MOB3C: variants seen among roughly 807,000 people sequenced by gnomAD.
MOB3C encodes MOB1, Mps One Binder kinase activator-like 2C.
Under a neutral mutation model 19.8 loss-of-function variants are expected in MOB3C, and 17 were observed. The observed-to-expected ratio is 0.86, with a 90% CI of 0.59 to 1.29. The LOEUF (loss-of-function observed/expected upper bound fraction) is 1.29. Ranked by LOEUF, MOB3C falls within the 50% of genes most tolerant of loss-of-function variation. MOB3C has a pLI of 0.00. For synonymous variants in MOB3C, 101 were observed against 119.2 expected, an observed-to-expected ratio of 0.85 and a Z score of 0.99; for missense variants, 291 against 301.9, an observed-to-expected ratio of 0.96 and a Z score of 0.27.
chr1:46,614,955 C>T (rs1557917212), intron 1 of MOB3C: 1 of 1,581,088 alleles, frequency 6.3e-7, no homozygotes, highest in South Asian at 1.1e-5. Context: ...AACTTGTTCT[C>T]TTGAAAAAAA....
At position 46,609,682 on chromosome 1, in the gene MOB3C, C is replaced by A. The variant is rs1329675639; in HGVS notation, c.624G>T (p.Arg208Ser). 6.2e-7 allele frequency: 1 copy of A among 1,614,022 alleles called. No homozygotes were observed. The highest frequency in any genetic ancestry group is 8.5e-7 in the Non-Finnish European group (1 of 1,180,022). ...AGTGGCAGATCCGCTCTGTCATCTC[C>A]CTCTGTAGAGACACAAGGTAGGGAG... ...LVDQRELEPL[R>S]EMTERICH The change falls in exon 4 of 4, where the codon AGG (arginine) becomes AGT (serine). Residue 208 changes from arginine (R) to serine (S), a missense_variant and splice_region_variant. Coordinates refer to ENST00000319928, the MANE Select transcript of MOB3C (RefSeq NM_201403.3).
chr1:46,607,988 C>T lies in MOB3C; in HGVS notation c.*1667G>A, dbSNP rs955299469. 7.9e-5 allele frequency: 12 copies of T among 152,204 alleles called. No individual in the cohort carries two copies. The highest frequency in any genetic ancestry group is 2.9e-4 in the African/African-American group (12 of 41,448). 9.4% of individuals were successfully genotyped at this position (152,204 alleles called of 1,614,324 possible). A position where few individuals can be genotyped will look rare whatever the true frequency, so the allele number is the denominator to read the frequency against. ...GGCCCAAGAGCTCCATCTGTTTCCC[C>T]AAAGTACAGGCAGCTTCTAGGCCAT... On this transcript the variant is annotated 3_prime_UTR_variant, in exon 4 of 4. Coordinates refer to ENST00000319928, the MANE Select transcript of MOB3C (RefSeq NM_201403.3).
At chr1:46,609,856 A>T in intron 3 of MOB3C, 146 bp downstream of exon 3, 3 of 1,215,848 alleles carry the variant, frequency 2.5e-6, no homozygotes, top group African/African-American at 1.5e-5. Context: ...TGAATTCTCT[A>T]TTGAAGTACA....
At position 46,611,225 on chromosome 1, in the gene MOB3C, C is replaced by T. The variant is rs1161007898; in HGVS notation, c.419-1021G>A. On this transcript the variant is annotated intron_variant, in intron 2 of 3. Transcript: ENST00000319928. The surrounding 1 kb of genome is among the most constrained non-coding windows in gnomAD (Gnocchi z 4.1). ...TTTGCCTCTAATCCTTAGAACAATT[C>T]GCCTGATGTGTCTGATTGTCACTTT... is the stretch of plus-strand genomic sequence containing the variant. 7.2e-5 allele frequency among the ~76,000 whole-genome samples: 11 copies of T among 152,212 alleles called. No individual in the cohort carries two copies. Among genetic ancestry groups the T allele is most frequent in the Non-Finnish European group, 1.5e-4 (10 of 68,038 alleles).
At chr1:46,613,538 T>G (rs1675510887) in intron 1 of MOB3C, 167 bp from the exon 2 acceptor site, 1 of 652,848 alleles carries the variant, frequency 1.5e-6, no homozygotes, top group African/African-American at 1.8e-5. Flanking sequence ...CCGCCCTCTT[T>G]CCAGGCTATG....
intron 1 of MOB3C, chr1:46,616,151 G>A (rs1285012086): frequency 3.3e-5 from 5 of 152,262 alleles, no homozygotes; most frequent in Admixed American, 6.6e-5. Context: ...TCGTTCCCTG[G>A]GTGCGGATCT....
At position 46,609,654 on chromosome 1, in the gene MOB3C, C is replaced by T. The variant is rs146890072; in HGVS notation, c.*1G>A. On this transcript the variant is annotated 3_prime_UTR_variant, in exon 4 of 4. Coordinates refer to ENST00000319928, the MANE Select transcript of MOB3C (RefSeq NM_201403.3). Reference sequence around the variant, plus strand: ...ATGGCCAAAAAAGTCCAGACCTGGGCTCAGTGGCAGATCCGCTCTGTCATC... The same window carrying T: ...ATGGCCAAAAAAGTCCAGACCTGGGTTCAGTGGCAGATCCGCTCTGTCATC... 3.8e-4 allele frequency: 609 copies of T among 1,614,042 alleles called. No individual in the cohort carries two copies. The highest frequency in any genetic ancestry group is 4.8e-4 in the Non-Finnish European group (565 of 1,180,048).
At chr1:46,609,744 C>G in intron 3 of MOB3C, 60 bp from the exon 4 acceptor site, 1 of 1,603,656 alleles carries the variant, frequency 6.2e-7, no homozygotes, top group South Asian at 1.1e-5. Flanking sequence ...GCAATCCCTT[C>G]CCAAACCATA....
At chr1:46,615,267 A>C (rs1570382657) in intron 1 of MOB3C, 6 of 534,812 alleles carry the variant, frequency 1.1e-5, no homozygotes, top group South Asian at 5.4e-5. Flanking sequence ...CACACCAACC[A>C]CCCTGGGCTT....
chr1:46,610,980 C>G (rs1675454973), intron 2 of MOB3C, among the ~76,000 whole-genome samples: 1 of 152,336 alleles, frequency 6.6e-6, no homozygotes, highest in Middle Eastern at 3.4e-3. Context: ...CAGCAGGACG[C>G]TGCTCAAGGC....
intron 2 of MOB3C, 114 bp downstream of exon 2, chr1:46,612,790 C>G (rs1003733781): frequency 9.1e-7 from 1 of 1,101,250 alleles, no homozygotes; most frequent in Non-Finnish European, 1.2e-6. Flanking sequence ...CTTTCCTCTT[C>G]CACAAAATGG....
chr1:46,613,243 G>A lies in MOB3C; in HGVS notation c.79C>T (p.Arg27Cys), dbSNP rs766793952. 1 of 1,614,016 alleles carries A rather than the reference G, an allele frequency of 6.2e-7. No individual in the cohort carries two copies. The change falls in exon 2 of 4, where the codon CGC becomes TGC. Residue 27 changes from arginine (R) to cysteine (C), a missense_variant. Coordinates refer to ENST00000319928, the MANE Select transcript of MOB3C (RefSeq NM_201403.3). ...TGTGCCTTCTTGTACAGCTCAAAGC[G>A]CTGTGTGCCCGGCTCAAAGCGCTTC... Reference protein sequence around the residue: ...PRKRFEPGTQRFELYKKAQAS... With the variant: ...PRKRFEPGTQCFELYKKAQAS...
rs771683063 is a variant in MOB3C, at chr1:46,613,150, C to T, written c.172G>A (p.Asp58Asn). 4.3e-6 allele frequency: 7 copies of T among 1,614,272 alleles called. No individual in the cohort carries two copies. Among genetic ancestry groups the T allele is most frequent in the Non-Finnish European group, 3.4e-6 (4 of 1,180,056 alleles). Residue 58 changes from aspartate (D) to asparagine (N), a missense_variant, in exon 2 of 4, where the codon GAC (aspartate) becomes AAC (asparagine). Asp to Asn is a conservative substitution (Grantham distance 23). Transcript: ENST00000319928. Reference protein sequence around the residue: ...VRLPPGENIDDWIAVHVVDFF... With the variant: ...VRLPPGENIDNWIAVHVVDFF... Reference sequence around the variant, plus strand: ...TCCACCACGTGCACGGCGATCCAGTCGTCGATGTTCTCCCCGGGTGGTAGC... The same window carrying T: ...TCCACCACGTGCACGGCGATCCAGTTGTCGATGTTCTCCCCGGGTGGTAGC...
In MOB3C at chr1:46,613,176, C is replaced by G; in HGVS notation, c.146G>C (p.Arg49Thr). 6.2e-7 allele frequency: 1 copy of G among 1,614,268 alleles called. No homozygotes were observed. The highest frequency in any genetic ancestry group is 1.1e-5 in the South Asian group (1 of 91,090). Residue 49 changes from arginine to threonine, a missense_variant, in exon 2 of 4, where the codon AGG (arginine) becomes ACG (threonine). Transcript: ENST00000319928. ...GTCGATGTTCTCCCCGGGTGGTAGC[C>G]TCACCACACTGCGCAGGTCCAGGCC... ...KSGLDLRSVV[R>T]LPPGENIDDW...
chr1:46,613,225 T>C lies in MOB3C; in HGVS notation c.97A>G (p.Lys33Glu). The change falls in exon 2 of 4, where the codon AAG becomes GAG. Residue 33 changes from lysine (K) to glutamate (E), a missense_variant. Transcript: ENST00000319928. ...CCCGACTTGAGAGAGGCCTGTGCCT[T>C]CTTGTACAGCTCAAAGCGCTGTGTG... Reference protein sequence around the residue: ...PGTQRFELYKKAQASLKSGLD... With the variant: ...PGTQRFELYKEAQASLKSGLD... 1 of 1,614,156 alleles carries C rather than the reference T, an allele frequency of 6.2e-7. No homozygotes were observed.
Position 46,613,132 on chromosome 1 carries a change from C to A in MOB3C, c.190G>T (p.Val64Leu). 6.2e-7 allele frequency: 1 copy of A among 1,614,258 alleles called. No homozygotes were observed. The highest frequency in any genetic ancestry group is 8.5e-7 in the Non-Finnish European group (1 of 1,180,036). Residue 64 changes from valine (V) to leucine (L), a missense_variant, in exon 2 of 4, where the codon GTG becomes TTG. Coordinates refer to ENST00000319928, the MANE Select transcript of MOB3C (RefSeq NM_201403.3). The part of the protein sequence containing the change: ...ENIDDWIAVH[V>L]VDFFNRINLI... ...TTGATGCGGTTGAAGAAGTCCACCA[C>A]GTGCACGGCGATCCAGTCGTCGATG...
At chr1:46,612,865 G>A in intron 2 of MOB3C, 39 bp downstream of exon 2, 1 of 1,509,054 alleles carries the variant, frequency 6.6e-7, no homozygotes, top group Non-Finnish European at 8.9e-7. Flanking sequence ...TCTGTGGAAT[G>A]GGCTCCCAGT....
Position 46,610,213 on chromosome 1 carries a change from C to A in MOB3C, c.419-9G>T. On this transcript the variant is annotated splice_polypyrimidine_tract_variant and intron_variant, in intron 2 of 3. Transcript: ENST00000319928. Reference sequence around the variant, plus strand: ...CTTAGGGAAGGGAACTCCTAGAGGGCAGGGGAGGGCAGAAGGGGATCAGTA... The same window carrying A: ...CTTAGGGAAGGGAACTCCTAGAGGGAAGGGGAGGGCAGAAGGGGATCAGTA... 1 of 1,613,498 alleles carries A rather than the reference C, an allele frequency of 6.2e-7. No individual in the cohort carries two copies. Among genetic ancestry groups the A allele is most frequent in the Non-Finnish European group, 8.5e-7 (1 of 1,179,798 alleles).
intron 2 of MOB3C, among the ~76,000 whole-genome samples, chr1:46,612,008 C>T (rs185345475): frequency 7.6e-4 from 115 of 152,290 alleles, no homozygotes; most frequent in African/African-American, 2.5e-3. Flanking sequence ...GCTACAGGTG[C>T]GGCTGGTGTG....
Sources: allele counts gnomAD v4.1 joint callset (sites outside exome capture counted in the v4.1 genomes callset), GRCh38; gene constraint gnomAD v4.1.1; non-coding constraint Gnocchi (gnomAD v3.1); transcripts MANE v1.5; gene names NCBI Gene and HGNC (gene_info 2026-07-23, HGNC 2026-07-21).